Variants in PRELID2 observed in about 807,000 individuals in gnomAD.
PRELID2 encodes PRELI domain containing 2.
PRELID2 carries 25 observed loss-of-function variants against 28.4 expected under a neutral mutation model. The ratio of observed to expected loss-of-function variants is 0.88; its 90% confidence interval spans 0.64 to 1.23. The LOEUF is 1.23. PRELID2 is among the 50% of genes most tolerant of loss of function. The pLI, the probability that PRELID2 is intolerant of heterozygous loss-of-function variation, is 0.00. For synonymous variants in PRELID2, 76 were observed against 71.6 expected (o/e 1.06, Z -0.31); for missense variants, 201 against 214.4 (o/e 0.94, Z 0.39).
At chr5:145,729,774 T>C (rs1280102474) in intron 1 of PRELID2, among the ~76,000 whole-genome samples, 3 of 152,120 alleles carry the variant, frequency 2.0e-5, no homozygotes, top group South Asian at 2.1e-4. Context: ...CAACACCAGG[T>C]CGTGGGGGCA....
intron 1 of PRELID2, among the ~76,000 whole-genome samples, chr5:145,708,646 G>A (rs1755610578): frequency 6.6e-6 from 1 of 152,074 alleles, no homozygotes; most frequent in African/African-American, 2.4e-5. Context: ...TTTAACAAAA[G>A]CTAGAAGATG....
chr5:145,530,130 T>C (rs1752642409), intron 1 of PRELID2, among the ~76,000 whole-genome samples: 1 of 152,152 alleles, frequency 6.6e-6, no homozygotes, highest in Non-Finnish European at 1.5e-5. Context: ...CCGCAGATCA[T>C]ACAGCAAGTG....
the PRELID2 span, among the ~76,000 whole-genome samples, chr5:145,244,828 CA>C: frequency 6.6e-6 from 1 of 152,052 alleles, no homozygotes; most frequent in South Asian, 2.1e-4. Context: ...CTTTTACATG[CA>C]AAAAAATTTT....
chr5:145,463,406 A>C, the PRELID2 span, among the ~76,000 whole-genome samples: 2 of 150,990 alleles, frequency 1.3e-5, no homozygotes, highest in Non-Finnish European at 2.9e-5. Flanking sequence ...TCCTTTTACA[A>C]TAGTTTACCA....
chr5:145,583,212 G>A (rs1445583091), intron 1 of PRELID2, among the ~76,000 whole-genome samples: 3 of 152,128 alleles, frequency 2.0e-5, no homozygotes, highest in Non-Finnish European at 4.4e-5. Flanking sequence ...CTCAATAGAT[G>A]TAGAAAAGTC....
At chr5:145,291,564 G>C in the PRELID2 span, among the ~76,000 whole-genome samples, 517 of 152,106 alleles carry the variant, frequency 3.4e-3, 1 homozygote, top group African/African-American at 0.012. Flanking sequence ...ATAGATTGCT[G>C]TTATTTAAGC....
intron 5 of PRELID2, among the ~76,000 whole-genome samples, chr5:145,789,345 G>A (rs1289340596): frequency 2.0e-5 from 3 of 152,018 alleles, no homozygotes; most frequent in Non-Finnish European, 4.4e-5. Flanking sequence ...ATGAACCTGC[G>A]CATTTACAGT....
At chr5:145,549,743 C>G (rs754839150) in intron 1 of PRELID2, among the ~76,000 whole-genome samples, 9 of 151,064 alleles carry the variant, frequency 6.0e-5, no homozygotes, top group Admixed American at 4.0e-4. Context: ...TCCAGTGAGC[C>G]AAGATGGTGC....
intron 1 of PRELID2, among the ~76,000 whole-genome samples, chr5:145,639,734 T>G (rs1342408362): frequency 6.6e-6 from 1 of 152,188 alleles, no homozygotes; most frequent in Non-Finnish European, 1.5e-5. Flanking sequence ...TCCACACATT[T>G]TATAAAGAAT....
the PRELID2 span, among the ~76,000 whole-genome samples, chr5:145,423,265 G>A: frequency 6.7e-6 from 1 of 148,546 alleles, no homozygotes; most frequent in African/African-American, 2.5e-5. Context: ...TGTATTTCCT[G>A]AATCTGAACG....
intron 1 of PRELID2, among the ~76,000 whole-genome samples, chr5:145,615,153 T>C (rs937277712): frequency 2.0e-5 from 3 of 152,202 alleles, no homozygotes; most frequent in African/African-American, 7.2e-5. Flanking sequence ...TTTACCATTA[T>C]AAAATGTCCC....
chr5:145,771,804 G>A (rs1205716710), intron 5 of PRELID2, among the ~76,000 whole-genome samples: 4 of 151,948 alleles, frequency 2.6e-5, no homozygotes, highest in African/African-American at 7.3e-5. Flanking sequence ...GCGGTGAGCC[G>A]AGATCGCACC....
At chr5:145,440,188 T>G in the PRELID2 span, among the ~76,000 whole-genome samples, 1 of 152,072 alleles carries the variant, frequency 6.6e-6, no homozygotes, top group Non-Finnish European at 1.5e-5. Context: ...ATAAGTGACT[T>G]TTTTCTCTGT....
chr5:145,379,715 G>T, the PRELID2 span, among the ~76,000 whole-genome samples: 1,373 of 152,206 alleles, frequency 9.0e-3, 15 homozygotes, highest in East Asian at 0.042. Context: ...GGGAGTTGCT[G>T]TGGGCCAAGG....
intron 1 of PRELID2, among the ~76,000 whole-genome samples, chr5:145,732,990 C>T (rs1756388515): frequency 6.7e-6 from 1 of 149,520 alleles, no homozygotes; most frequent in African/African-American, 2.5e-5. Context: ...TTTTCAAGGT[C>T]AGTCTTAGCT....
chr5:145,702,146 T>A (rs2149703574), intron 1 of PRELID2, among the ~76,000 whole-genome samples: 1 of 152,242 alleles, frequency 6.6e-6, no homozygotes, highest in East Asian at 1.9e-4. Flanking sequence ...ATTACTGTAA[T>A]GCTTAAGTAT....
At chr5:145,723,544 A>G (rs1040598392) in intron 1 of PRELID2, among the ~76,000 whole-genome samples, 1 of 152,254 alleles carries the variant, frequency 6.6e-6, no homozygotes, top group Non-Finnish European at 1.5e-5. Context: ...AGTTAAAGGC[A>G]CAAGCCAAAA....
At chr5:145,460,656 A>G in the PRELID2 span, among the ~76,000 whole-genome samples, 2 of 152,364 alleles carry the variant, frequency 1.3e-5, no homozygotes, top group South Asian at 2.1e-4. Context: ...CACAAAAAAT[A>G]TAAGGTAGGC....
chr5:145,696,773 A>C (rs953460548), intron 1 of PRELID2, among the ~76,000 whole-genome samples: 1 of 151,964 alleles, frequency 6.6e-6, no homozygotes, highest in Admixed American at 6.6e-5. Flanking sequence ...CATCTCTAAA[A>C]TATTTGAAAA....
Sources: allele counts gnomAD v4.1 joint callset (sites outside exome capture counted in the v4.1 genomes callset), GRCh38; gene constraint gnomAD v4.1.1; transcripts MANE v1.5; gene names NCBI Gene and HGNC (gene_info 2026-07-23, HGNC 2026-07-21).